ITPKB: variants seen among roughly 807,000 people sequenced by gnomAD.
ITPKB encodes inositol-trisphosphate 3-kinase B, also known as IP3 3-kinase B.
Under a neutral mutation model 69.4 loss-of-function variants are expected in ITPKB, and 13 were observed. The ratio of observed to expected loss-of-function variants is 0.19; its 90% CI spans 0.12 to 0.30. The LOEUF (loss-of-function observed/expected upper bound fraction) is 0.30, where lower values mean the gene tolerates loss of function less well. Ranked by LOEUF, ITPKB falls within the 10% of genes least tolerant of loss-of-function variation. The pLI is 1.00. For missense variants in ITPKB, 1,240 were observed against 1,250.5 expected (o/e 0.99, Z 0.13); for synonymous variants, 584 against 513.7 (o/e 1.14, Z -1.85).
intron 2 of ITPKB, among the ~76,000 whole-genome samples, chr1:226,710,072 T>C (rs1276969807): frequency 6.6e-6 from 1 of 152,122 alleles, no homozygotes; most frequent in Non-Finnish European, 1.5e-5. Flanking sequence ...GATAAATCTG[T>C]CTTCCCTGCC....
chr1:226,713,979 C>A (rs187172973), intron 2 of ITPKB, among the ~76,000 whole-genome samples: 56 of 152,284 alleles, frequency 3.7e-4, no homozygotes, highest in African/African-American at 1.3e-3. Context: ...TTTTTAAAAT[C>A]TTGACCGTCT....
At chr1:226,697,267 T>G (rs1156876215) in intron 2 of ITPKB, among the ~76,000 whole-genome samples, 1 of 152,208 alleles carries the variant, frequency 6.6e-6, no homozygotes, top group African/African-American at 2.4e-5. Context: ...GAGGCGTGAT[T>G]AAGGCATGAT....
intron 2 of ITPKB, among the ~76,000 whole-genome samples, chr1:226,728,218 T>C (rs1229266912): frequency 6.6e-6 from 1 of 152,168 alleles, no homozygotes; most frequent in Non-Finnish European, 1.5e-5. Flanking sequence ...TGGGGCAAAA[T>C]AGAAGTAAAA....
chr1:226,698,672 C>A (rs1656558233), intron 2 of ITPKB, among the ~76,000 whole-genome samples: 1 of 152,218 alleles, frequency 6.6e-6, no homozygotes, highest in Admixed American at 6.5e-5. Context: ...AGGAAGAGGA[C>A]AGGCATGATC....
At chr1:226,728,514 G>A (rs945795240) in intron 2 of ITPKB, among the ~76,000 whole-genome samples, 3 of 152,224 alleles carry the variant, frequency 2.0e-5, no homozygotes, top group African/African-American at 4.8e-5. Context: ...AAACATCAGA[G>A]TGGTCTTCCC....
intron 2 of ITPKB, among the ~76,000 whole-genome samples, chr1:226,724,831 G>A (rs893604554): frequency 1.4e-4 from 21 of 152,196 alleles, no homozygotes; most frequent in African/African-American, 5.1e-4. Flanking sequence ...ACTGGGCTCT[G>A]CACCGTGCAA....
rs937410948 is a variant in ITPKB at position 226,680,187 on chromosome 1, G to A, written c.1933-31416C>T. 4.7e-4 allele frequency among the ~76,000 whole-genome samples: 71 copies of A among 152,304 alleles called. 1 individual carries two copies. Among genetic ancestry groups the A allele is most frequent in the African/African-American group, 1.7e-3 (70 of 41,564 alleles). ...GAACTGAGCCTCCAGGCAGCGCAGC[G>A]CCCGCGACCACGTGAGCACGGACCC... On this transcript the variant is annotated intron_variant, in intron 2 of 7. Coordinates refer to ENST00000429204, the MANE Select transcript of ITPKB (RefSeq NM_002221.4).
chr1:226,647,059 C>G, intron 4 of ITPKB, 108 bp downstream of exon 4: 1 of 907,458 alleles, frequency 1.1e-6, no homozygotes, highest in South Asian at 1.5e-5. Flanking sequence ...CCTCCTCAGC[C>G]TGCCCTTGCA....
rs1357259163 is a variant in ITPKB at position 226,737,295 on chromosome 1, G to C, written c.164C>G (p.Ser55Cys). ...CGACTCGGCTGGGGGGAAGAGGAAA[G>C]AGGCGCCTCTCCCGGGGCTGAAAAC... The part of the protein sequence containing the change: ...GSVFSPGRGA[S>C]FLFPPAESLS... Residue 55 changes from serine to cysteine, a missense_variant, in exon 2 of 8, where the codon TCT becomes TGT. Transcript: ENST00000429204. The C allele has an allele frequency of 1.3e-6, 2 of 1,566,200 alleles. No homozygotes were observed. The highest frequency in any genetic ancestry group is 1.4e-5 in the African/African-American group (1 of 73,676).
intron 2 of ITPKB, among the ~76,000 whole-genome samples, chr1:226,688,782 G>A (rs915793516): frequency 2.6e-5 from 4 of 152,196 alleles, no homozygotes; most frequent in East Asian, 3.8e-4. Flanking sequence ...ACCCAAGGAC[G>A]CTGGTATGAC....
At chr1:226,666,116 A>G (rs191613229) in intron 2 of ITPKB, among the ~76,000 whole-genome samples, 13 of 152,330 alleles carry the variant, frequency 8.5e-5, no homozygotes, top group African/African-American at 1.4e-4. Context: ...CAGAAGATAA[A>G]GAGAGGTTTA....
chr1:226,722,213 G>C (rs1571875120), intron 2 of ITPKB, among the ~76,000 whole-genome samples: 1 of 152,172 alleles, frequency 6.6e-6, no homozygotes, highest in Non-Finnish European at 1.5e-5. Flanking sequence ...CCTGCCACCT[G>C]GTACATTCAG....
intron 2 of ITPKB, among the ~76,000 whole-genome samples, chr1:226,667,746 G>T (rs1428435903): frequency 6.6e-6 from 1 of 151,940 alleles, no homozygotes; most frequent in Non-Finnish European, 1.5e-5. Context: ...TACTTTGGGA[G>T]AAAAAGGGAA....
At chr1:226,681,036 C>T (rs891032760) in intron 2 of ITPKB, among the ~76,000 whole-genome samples, 1 of 152,188 alleles carries the variant, frequency 6.6e-6, no homozygotes, top group Non-Finnish European at 1.5e-5. Context: ...CTCTGAAACT[C>T]CCCTCCCCTC....
chr1:226,683,440 C>A (rs911588194), intron 2 of ITPKB, among the ~76,000 whole-genome samples: 3 of 152,184 alleles, frequency 2.0e-5, no homozygotes, highest in African/African-American at 7.2e-5. Flanking sequence ...GAGGCTCAGG[C>A]AGATGCCATG....
At chr1:226,687,580 C>T (rs897031886) in intron 2 of ITPKB, among the ~76,000 whole-genome samples, 4 of 152,224 alleles carry the variant, frequency 2.6e-5, no homozygotes, top group African/African-American at 9.6e-5. Flanking sequence ...TCAGAAACCA[C>T]ATCTGCTTTT....
rs534650255 is a variant in ITPKB, at chr1:226,707,640, A to G, written c.1932+27887T>C. The G allele has an allele frequency of 5.0e-6, 5 of 1,002,036 alleles. No homozygotes were observed. The East Asian group carries it at 5.5e-4, about 111-fold the overall frequency. 62.1% of individuals were successfully genotyped at this position (1,002,036 alleles called of 1,614,324 possible). A position where few individuals can be genotyped will look rare whatever the true frequency, so the allele number is the denominator to read the frequency against. Reference sequence around the variant, plus strand: ...ATAAATAGGCAGTGTACACATGAGTAACTCAAGGCCATCATCACAAGGAAA... The same window carrying G: ...ATAAATAGGCAGTGTACACATGAGTGACTCAAGGCCATCATCACAAGGAAA... On this transcript the variant is annotated intron_variant, in intron 2 of 7. Transcript: ENST00000429204.
chr1:226,642,266 G>A lies in ITPKB; in HGVS notation c.2247-141C>T, dbSNP rs1668977661. 9 of 647,352 alleles carry A rather than the reference G, an allele frequency of 1.4e-5. No individual in the cohort carries two copies. The highest frequency in any genetic ancestry group is 1.1e-5 in the Non-Finnish European group (4 of 376,700). The allele number at this position is 647,352 out of a possible 1,614,324, so 40.1% of individuals were successfully genotyped here. A position where few individuals can be genotyped will look rare whatever the true frequency, so the allele number is the denominator to read the frequency against. On this transcript the variant is annotated intron_variant, in intron 4 of 7. Coordinates refer to ENST00000429204, the MANE Select transcript of ITPKB (RefSeq NM_002221.4). The surrounding 1 kb of genome is among the most constrained non-coding windows in gnomAD (Gnocchi z 6.4). The stretch of plus-strand genomic sequence containing the variant: ...AGCTCAGTGCCCTGAGTCAAGGCAC[G>A]TCTTTCCGAGGGGACGGCAGACTCT...
chr1:226,716,914 T>C (rs1043886194), intron 2 of ITPKB, among the ~76,000 whole-genome samples: 2 of 152,230 alleles, frequency 1.3e-5, no homozygotes, highest in African/African-American at 4.8e-5. Context: ...AACAATACTT[T>C]CTTTGTGATA....
Sources: gnomAD v4.1 joint callset for allele counts (sites outside exome capture counted in the v4.1 genomes callset) on GRCh38, gnomAD v4.1.1 for gene constraint, Gnocchi (gnomAD v3.1) non-coding constraint, MANE v1.5 for transcripts, NCBI Gene and HGNC (gene_info 2026-07-23, HGNC 2026-07-21) for gene names.